The following NAT10 variants were observed in gnomAD, a reference collection of about 807,000 sequenced individuals.
NAT10 encodes the protein RNA cytidine acetyltransferase.
A neutral mutation model predicts 132.2 loss-of-function variants in NAT10; 109 were observed. That is an observed-to-expected ratio of 0.82 (90% CI 0.71 to 0.97). The LOEUF (loss-of-function observed/expected upper bound fraction) is 0.97. Ranked by LOEUF, NAT10 falls within the 50% of genes least tolerant of loss-of-function variation. The pLI is 0.00. For synonymous variants in NAT10, 479 were observed against 478.0 expected (o/e 1.00, Z -0.03); for missense variants, 1,184 against 1,263.4 (o/e 0.94, Z 0.95).
intron 21 of NAT10, 131 bp from the exon 22 acceptor site, chr11:34,139,060 C>T: frequency 1.3e-6 from 1 of 790,154 alleles, no homozygotes; most frequent in Non-Finnish European, 2.1e-6. Context: ...GGCGCCTACC[C>T]CCAGCCTGGA....
In NAT10 at chr11:34,108,255, C is replaced by A. The variant is rs1031697980; in HGVS notation, c.30C>A (p.Ile10=). The A allele has an allele frequency of 6.8e-6, 11 of 1,614,112 alleles. No individual in the cohort carries two copies. The South Asian group carries it at 1.2e-4, about 18-fold the overall frequency. The change falls in exon 2 of 29, where the codon ATC becomes ATA. Residue 10 remains isoleucine (I), a synonymous_variant. Transcript: ENST00000257829. ...ATCGGAAAAAGGTGGATAACCGAATCCGGATTCTCATTGAGAATGGAGTAG... is the reference window on the plus strand; with the variant it reads ...ATCGGAAAAAGGTGGATAACCGAATACGGATTCTCATTGAGAATGGAGTAG... MHRKKVDNR[I]RILIENGVAE...
Position 34,141,321 on chromosome 11 carries a change from T to TCACA in NAT10, c.2712+136_2712+139dup, listed in dbSNP as rs66674391. 6.7e-4 allele frequency: 813 copies of TCACA among 1,212,020 alleles called. 2 individuals are homozygous for TCACA. Among genetic ancestry groups the TCACA allele is most frequent in the African/African-American group, 5.9e-3 (371 of 62,532 alleles). 75.1% of individuals were successfully genotyped at this position (1,212,020 alleles called of 1,614,324 possible). A position where few individuals can be genotyped will look rare whatever the true frequency, so the allele number is the denominator to read the frequency against. On this transcript the variant is annotated intron_variant, in intron 25 of 28. Transcript: ENST00000257829. ...ATTTAGCTGTGTTTGCTGCATCTCG[T>TCACA]CACACACACACACACACACACACAC...
chr11:34,131,437 G>A lies in NAT10; in HGVS notation c.1426G>A (p.Ala476Thr), dbSNP rs1852103306. ...GTCAATCCGATACGCCCCTGGGGAT[G>A]CAGTGGAGAAGTGGCTGAATGACTT... The part of the protein sequence containing the change: ...QESIRYAPGD[A>T]VEKWLNDLLC... The change falls in exon 14 of 29, where the codon GCA becomes ACA. Residue 476 changes from alanine (A) to threonine (T), a missense_variant. By Grantham distance (58) the Ala-to-Thr change is moderately conservative. Coordinates refer to ENST00000257829, the MANE Select transcript of NAT10 (RefSeq NM_024662.3). The A allele has an allele frequency of 1.9e-6, 3 of 1,614,206 alleles. No homozygotes were observed. Among genetic ancestry groups the A allele is most frequent in the South Asian group, 1.1e-5 (1 of 91,072 alleles).
At chr11:34,125,487 G>C (rs1290579211) in intron 11 of NAT10, among the ~76,000 whole-genome samples, 1 of 152,178 alleles carries the variant, frequency 6.6e-6, no homozygotes, top group African/African-American at 2.4e-5. Flanking sequence ...GACTCCATTT[G>C]TGTACCTTTC....
chr11:34,135,325 G>A (rs191912522), intron 19 of NAT10, 34 bp downstream of exon 19: 59 of 1,568,332 alleles, frequency 3.8e-5, no homozygotes, highest in Admixed American at 1.2e-4. Flanking sequence ...CTGTGTCCTG[G>A]TTCTTGGGAG....
chr11:34,114,411 T>G (rs572763514), intron 5 of NAT10, among the ~76,000 whole-genome samples: 5 of 152,216 alleles, frequency 3.3e-5, no homozygotes, highest in African/African-American at 1.2e-4. Context: ...AGAGGCAAGT[T>G]TTAAGTCATG....
Position 34,118,216 on chromosome 11 carries a change from C to G in NAT10, c.594C>G (p.Leu198=). The change falls in exon 7 of 29, where the codon CTC becomes CTG. Residue 198 remains leucine (L), a synonymous_variant. Coordinates refer to ENST00000257829, the MANE Select transcript of NAT10 (RefSeq NM_024662.3). ...CTCTGGCCTCTTGTAAGAAGTGTCT[C>G]GTCATTGATGACCAGCTCAACATCC... The part of the protein sequence containing the change: ...ILSLASCKKC[L]VIDDQLNILP... 6.2e-7 allele frequency: 1 copy of G among 1,614,180 alleles called. No individual in the cohort carries two copies. The highest frequency in any genetic ancestry group is 8.5e-7 in the Non-Finnish European group (1 of 1,180,016).
intron 23 of NAT10, 81 bp downstream of exon 23, chr11:34,139,576 T>A: frequency 7.7e-7 from 1 of 1,301,652 alleles, no homozygotes; most frequent in East Asian, 2.3e-5. Flanking sequence ...AGGAAGGGTT[T>A]GGGCTGGAAA....
chr11:34,141,774 A>C lies in NAT10; in HGVS notation c.2768A>C (p.Asp923Ala). 6.2e-7 allele frequency: 1 copy of C among 1,614,076 alleles called. No individual in the cohort carries two copies. The highest frequency in any genetic ancestry group is 1.1e-5 in the South Asian group (1 of 91,078). Residue 923 changes from aspartate to alanine, a missense_variant, in exon 26 of 29, where the codon GAT (aspartate) becomes GCT (alanine). Asp to Ala is a moderately radical substitution (Grantham distance 126). Coordinates refer to ENST00000257829, the MANE Select transcript of NAT10 (RefSeq NM_024662.3). The part of the protein sequence containing the change: ...AIEEQMVAAK[D>A]VVMEPTMKTL... ...GAGGAGCAGATGGTGGCAGCGAAGGATGTGGTCATGGAGCCCACGATGAAG... is the reference window on the plus strand; with the variant it reads ...GAGGAGCAGATGGTGGCAGCGAAGGCTGTGGTCATGGAGCCCACGATGAAG...
chr11:34,126,794 C>T (rs1469971878), intron 11 of NAT10, among the ~76,000 whole-genome samples: 9 of 152,158 alleles, frequency 5.9e-5, no homozygotes, highest in Non-Finnish European at 1.0e-4. Flanking sequence ...GCTTTTCAAA[C>T]CACTTTAAAA....
intron 1 of NAT10, chr11:34,107,465 A>G (rs1235432951): frequency 1.3e-5 from 2 of 152,262 alleles, no homozygotes; most frequent in African/African-American, 4.8e-5. Flanking sequence ...CCACAAAAAC[A>G]AAAGAACAAA....
chr11:34,120,083 G>A (rs993436484), intron 8 of NAT10, among the ~76,000 whole-genome samples: 23 of 149,210 alleles, frequency 1.5e-4, no homozygotes, highest in Non-Finnish European at 2.7e-4. Context: ...AGAGAGGAGG[G>A]TACCTTCTTC....
chr11:34,118,462 C>G lies in NAT10; in HGVS notation c.739C>G (p.Pro247Ala). ...GAAGGAGAGCTTGCAGGACACCCAG[C>G]CTGTGGGTGTGTTGGTGGACTGCTG... ...ELKESLQDTQ[P>A]VGVLVDCCKT... The change falls in exon 8 of 29, where the codon CCT (proline) becomes GCT (alanine). Residue 247 changes from proline to alanine, a missense_variant. Transcript: ENST00000257829. The G allele has an allele frequency of 6.2e-7, 1 of 1,614,040 alleles. No individual in the cohort carries two copies. The highest frequency in any genetic ancestry group is 1.1e-5 in the South Asian group (1 of 91,074).
chr11:34,114,463 A>C (rs1851750455), intron 5 of NAT10, among the ~76,000 whole-genome samples: 1 of 152,160 alleles, frequency 6.6e-6, no homozygotes, highest in South Asian at 2.1e-4. Context: ...GATTGGACTT[A>C]GGGTTTCCTG....
At chr11:34,115,256 C>A (rs1463119712) in intron 5 of NAT10, among the ~76,000 whole-genome samples, 1 of 152,192 alleles carries the variant, frequency 6.6e-6, no homozygotes, top group African/African-American at 2.4e-5. Context: ...ATTTAGTAAG[C>A]ATTCCTTAGA....
At position 34,146,721 on chromosome 11, in the gene NAT10, C is replaced by T. The variant is rs1565122628; in HGVS notation, c.*529C>T. ...TTGCTGATGTTGTCTTGTGCTGTTCCACTCTTGGCTCCAGCAGACCCACTG... is the reference window on the plus strand; with the variant it reads ...TTGCTGATGTTGTCTTGTGCTGTTCTACTCTTGGCTCCAGCAGACCCACTG... On this transcript the variant is annotated 3_prime_UTR_variant, in exon 29 of 29. Transcript: ENST00000257829. 2 of 152,744 alleles carry T rather than the reference C, an allele frequency of 1.3e-5. No individual in the cohort carries two copies. The allele number at this position is 152,744 out of a possible 1,614,324, so 9.5% of individuals were successfully genotyped here.
chr11:34,132,231 G>C lies in NAT10; in HGVS notation c.1617+10G>C, dbSNP rs780977898. The C allele has an allele frequency of 3.1e-6, 5 of 1,604,690 alleles. No homozygotes were observed. Among genetic ancestry groups the C allele is most frequent in the Non-Finnish European group, 3.4e-6 (4 of 1,171,498 alleles). On this transcript the variant is annotated intron_variant, in intron 15 of 28. Transcript: ENST00000257829. ...GGCTTCTCACTACAAGGTAACTGCA[G>C]CTAGCCCTTGTGTGAATGGTAGCAG... is the stretch of plus-strand genomic sequence containing the variant.
intron 11 of NAT10, among the ~76,000 whole-genome samples, chr11:34,125,349 A>G (rs1851968199): frequency 6.6e-6 from 1 of 152,178 alleles, no homozygotes; most frequent in South Asian, 2.1e-4. Flanking sequence ...CAAAGAAGGA[A>G]AACATTTCCC....
Position 34,130,917 on chromosome 11 carries a change from C to T in NAT10, c.1349C>T (p.Thr450Met), listed in dbSNP as rs148211973. 6.4e-4 allele frequency: 1,033 copies of T among 1,614,084 alleles called. No individual in the cohort carries two copies. Among genetic ancestry groups the T allele is most frequent in the Non-Finnish European group, 7.9e-4 (932 of 1,179,960 alleles). ...VSTTAENKTT[T>M]TARLASARTL... The stretch of plus-strand genomic sequence containing the variant: ...ACCACTGCTGAGAATAAGACCACGA[C>T]GACAGCCAGATTGGCATCAGGTACC... Residue 450 changes from threonine to methionine, a missense_variant, in exon 13 of 29, where the codon ACG (threonine) becomes ATG (methionine). By Grantham distance (81) the Thr-to-Met change is moderately conservative (BLOSUM62 -1). Coordinates refer to ENST00000257829, the MANE Select transcript of NAT10 (RefSeq NM_024662.3).
Sources: gnomAD v4.1 joint callset for allele counts (sites outside exome capture counted in the v4.1 genomes callset) on GRCh38, gnomAD v4.1.1 for gene constraint, MANE v1.5 for transcripts, NCBI Gene and HGNC (gene_info 2026-07-23, HGNC 2026-07-21) for gene names.